Variants in COL24A1 observed in about 807,000 individuals in gnomAD.
COL24A1 encodes the protein collagen type XXIV alpha 1 chain, also known as collagen alpha-1(XXIV) chain.
COL24A1 carries 224 observed loss-of-function variants against 253.9 expected under a neutral mutation model. The ratio of observed to expected loss-of-function variants is 0.88; its 90% CI spans 0.79 to 0.99. The LOEUF (loss-of-function observed/expected upper bound fraction) is 0.99, where lower values mean the gene tolerates loss of function less well. Among genes scored for constraint, COL24A1 ranks in the 50% least tolerant of loss-of-function variants. The pLI is 0.00. For missense variants in COL24A1, 2,131 were observed against 2,068.5 expected, an observed-to-expected ratio of 1.03 and a Z score of -0.59; for synonymous variants, 685 against 673.7, an observed-to-expected ratio of 1.02 and a Z score of -0.26.
intron 53 of COL24A1, among the ~76,000 whole-genome samples, chr1:85,770,780 G>A (rs1458832274): frequency 6.6e-6 from 1 of 152,218 alleles, no homozygotes; most frequent in Non-Finnish European, 1.5e-5. Context: ...AGTAGGGCCA[G>A]TATAAGCTAC....
chr1:85,886,169 T>C (rs369384256), intron 32 of COL24A1, among the ~76,000 whole-genome samples: 1 of 151,862 alleles, frequency 6.6e-6, no homozygotes, highest in South Asian at 2.1e-4. Flanking sequence ...TGCCTCAGCC[T>C]CTCGAGTAGC....
intron 53 of COL24A1, among the ~76,000 whole-genome samples, chr1:85,769,154 A>C (rs1230503203): frequency 6.6e-6 from 1 of 152,198 alleles, no homozygotes; most frequent in Non-Finnish European, 1.5e-5. Context: ...TTCATTTACC[A>C]ATAATTCATT....
intron 22 of COL24A1, among the ~76,000 whole-genome samples, chr1:85,967,638 G>C (rs1405659729): frequency 6.6e-6 from 1 of 152,132 alleles, no homozygotes; most frequent in Non-Finnish European, 1.5e-5. Context: ...CTGGGGGAGA[G>C]CAAGTCCACA....
intron 14 of COL24A1, among the ~76,000 whole-genome samples, chr1:86,030,967 G>C (rs1003446285): frequency 6.6e-6 from 1 of 152,066 alleles, no homozygotes; most frequent in Non-Finnish European, 1.5e-5. Flanking sequence ...AAGACTGAAA[G>C]AAAGGCTATC....
At chr1:86,115,227 G>A in intron 4 of COL24A1, 98 bp downstream of exon 4, 1 of 1,188,330 alleles carries the variant, frequency 8.4e-7, no homozygotes, top group Admixed American at 2.3e-5. Flanking sequence ...GATCCAGGCA[G>A]GTTTCCAAAG....
chr1:86,083,311 T>C (rs923069839), intron 7 of COL24A1, among the ~76,000 whole-genome samples: 6 of 150,984 alleles, frequency 4.0e-5, no homozygotes, highest in African/African-American at 7.3e-5. Flanking sequence ...AAAATATATA[T>C]ATATAAATAA....
At chr1:85,957,208 G>A (rs1025314950) in intron 24 of COL24A1, among the ~76,000 whole-genome samples, 1 of 152,146 alleles carries the variant, frequency 6.6e-6, no homozygotes, top group African/African-American at 2.4e-5. Flanking sequence ...GGTGCAAGGG[G>A]AGGGAGAGCA....
chr1:86,071,134 A>G (rs563728675), intron 7 of COL24A1, among the ~76,000 whole-genome samples: 14 of 152,308 alleles, frequency 9.2e-5, no homozygotes, highest in African/African-American at 3.4e-4. Flanking sequence ...TTCTTTTTAC[A>G]TGTTTTTTGG....
intron 28 of COL24A1, among the ~76,000 whole-genome samples, chr1:85,897,422 A>T (rs1683854439): frequency 6.6e-6 from 1 of 152,124 alleles, no homozygotes; most frequent in Non-Finnish European, 1.5e-5. Flanking sequence ...AATTGAAGAA[A>T]AAAAAAGAAA....
At chr1:86,011,131 T>A (rs1696448277) in intron 19 of COL24A1, among the ~76,000 whole-genome samples, 1 of 152,174 alleles carries the variant, frequency 6.6e-6, no homozygotes, top group African/African-American at 2.4e-5. Flanking sequence ...ACAGTTAAAA[T>A]TAAAGTTTAA....
intron 5 of COL24A1, among the ~76,000 whole-genome samples, chr1:86,096,946 G>T (rs1461248936): frequency 2.0e-5 from 3 of 152,118 alleles, no homozygotes; most frequent in South Asian, 2.1e-4. Context: ...TCACAACCAA[G>T]TCTACTACCT....
intron 30 of COL24A1, 38 bp downstream of exon 30, chr1:85,895,983 A>G (rs1288714283): frequency 1.9e-6 from 3 of 1,599,916 alleles, no homozygotes; most frequent in Non-Finnish European, 2.6e-6. Flanking sequence ...AAAAGACTTA[A>G]AATGTTCATC....
intron 51 of COL24A1, 57 bp from the exon 52 acceptor site, chr1:85,781,330 T>C (rs1669123250): frequency 3.0e-6 from 3 of 1,014,900 alleles, no homozygotes; most frequent in Non-Finnish European, 4.4e-6. Flanking sequence ...AAAAAAAAAC[T>C]CCACAGAATC....
chr1:85,740,697 G>A (rs1359021318), intron 57 of COL24A1, among the ~76,000 whole-genome samples: 1 of 151,836 alleles, frequency 6.6e-6, no homozygotes, highest in South Asian at 2.1e-4. Flanking sequence ...CGAAAAAAAT[G>A]TTGGCCTGAA....
In COL24A1 at chr1:85,894,578, C is replaced by T. The variant is rs1683462358; in HGVS notation, c.2922+1280G>A. Among the ~76,000 whole-genome samples, 13 of 151,972 alleles carry T rather than the reference C, an allele frequency of 8.6e-5. No homozygotes were observed. In the South Asian group the frequency reaches 2.7e-3, roughly 32 times the overall value. On this transcript the variant is annotated intron_variant, in intron 31 of 59. Coordinates refer to ENST00000370571, the MANE Select transcript of COL24A1 (RefSeq NM_152890.7). Reference sequence around the variant, plus strand: ...TTTTAAATGAGAGGGATGAACTTGACCTCCAAACTTTTCCACTCACTGCAA... The same window carrying T: ...TTTTAAATGAGAGGGATGAACTTGATCTCCAAACTTTTCCACTCACTGCAA...
intron 24 of COL24A1, among the ~76,000 whole-genome samples, chr1:85,925,869 C>T (rs550257272): frequency 8.5e-5 from 13 of 152,168 alleles, no homozygotes; most frequent in African/African-American, 2.9e-4. Context: ...AAGAAACTAC[C>T]ATCAGAGTGA....
intron 24 of COL24A1, among the ~76,000 whole-genome samples, chr1:85,933,637 C>T (rs1211938948): frequency 3.9e-5 from 6 of 152,068 alleles, no homozygotes; most frequent in Non-Finnish European, 5.9e-5. Flanking sequence ...TCATTTTTTT[C>T]CATGAAACTT....
intron 46 of COL24A1, among the ~76,000 whole-genome samples, chr1:85,817,204 G>A (rs1673127317): frequency 6.6e-6 from 1 of 152,074 alleles, no homozygotes; most frequent in Non-Finnish European, 1.5e-5. Context: ...ATATAATTGT[G>A]GAGAAAAGAT....
At chr1:85,767,195 C>A (rs1667474014) in intron 53 of COL24A1, among the ~76,000 whole-genome samples, 1 of 152,016 alleles carries the variant, frequency 6.6e-6, no homozygotes, top group Non-Finnish European at 1.5e-5. Context: ...AGACTTAAGT[C>A]TCTTACTTGT....
Sources: gnomAD v4.1 joint callset for allele counts (sites outside exome capture counted in the v4.1 genomes callset) on GRCh38, gnomAD v4.1.1 for gene constraint, MANE v1.5 for transcripts, NCBI Gene and HGNC (gene_info 2026-07-23, HGNC 2026-07-21) for gene names.